Variants in PPT2 observed in about 807,000 individuals in gnomAD.
PPT2 encodes palmitoyl-protein thioesterase 2, also known as lysosomal thioesterase PPT2.
Under a neutral mutation model 37.3 loss-of-function variants are expected in PPT2, and 20 were observed. The ratio of observed to expected loss-of-function variants is 0.54; its 90% CI spans 0.38 to 0.78. PPT2 has a LOEUF of 0.78. Among genes scored for constraint, PPT2 ranks in the 30% least tolerant of loss-of-function variants. PPT2 has a pLI of 0.00. For missense variants in PPT2, 270 were observed against 389.8 expected (o/e 0.69, Z 2.59); for synonymous variants, 135 against 159.1 (o/e 0.85, Z 1.14).
rs1351482949 is a variant in PPT2 at position 32,155,708 on chromosome 6, C to T, written c.358C>T (p.Leu120=). The stretch of plus-strand genomic sequence containing the variant: ...TACAGGGGGCCTTGTGTGCCGGGCT[C>T]TGCTTTCTGTCATGGATGATCACAA... The part of the protein sequence containing the change: ...YSQGGLVCRA[L]LSVMDDHNVD... The change falls in exon 4 of 9, where the codon CTG becomes TTG. Residue 120 remains leucine (L), a synonymous_variant. Coordinates refer to ENST00000324816, the MANE Select transcript of PPT2 (RefSeq NM_005155.7). This position sits in a 1 kb window ranked among gnomAD's most constrained non-coding sequence, Gnocchi z 4.3. 3 of 1,613,888 alleles carry T rather than the reference C, an allele frequency of 1.9e-6. No homozygotes were observed. Among genetic ancestry groups the T allele is most frequent in the Non-Finnish European group, 1.7e-6 (2 of 1,180,008 alleles).
At position 32,154,531 on chromosome 6, in the gene PPT2, C is replaced by A. The variant is rs190824876; in HGVS notation, c.-8-56C>A. 717 of 1,547,628 alleles carry A rather than the reference C, an allele frequency of 4.6e-4. No homozygotes were observed. Among genetic ancestry groups the A allele is most frequent in the Non-Finnish European group, 5.9e-4 (677 of 1,142,172 alleles). On this transcript the variant is annotated intron_variant, in intron 1 of 8. Coordinates refer to ENST00000324816, the MANE Select transcript of PPT2 (RefSeq NM_005155.7). The surrounding 1 kb of genome is among the most constrained non-coding windows in gnomAD (Gnocchi z 7.3). The stretch of plus-strand genomic sequence containing the variant: ...GTGGCTTGATTGCCGGGCGTCTGTT[C>A]CGAGGGAGGAGGGTGTTGCCATCTC...
rs28359849 is a variant in PPT2, at chr6:32,155,584, CTGTGTGTGTG to C, written c.338-79_338-70del. 235 of 698,706 alleles carry C rather than the reference CTGTGTGTGTG, an allele frequency of 3.4e-4. No homozygotes were observed. In the African/African-American group the frequency reaches 3.6e-3, roughly 11 times the overall value. The allele number at this position is 698,706 out of a possible 1,614,324, so 43.3% of individuals were successfully genotyped here. On this transcript the variant is annotated intron_variant, in intron 3 of 8. Coordinates refer to ENST00000324816, the MANE Select transcript of PPT2 (RefSeq NM_005155.7). This position sits in a 1 kb window ranked among gnomAD's most constrained non-coding sequence, Gnocchi z 4.3. Reference sequence around the variant, plus strand: ...GTACAGTGTGTGTCTGTGTGTGTCTCTGTGTGTGTGTGTGTGTGTGTGTGTGTGTGTGTGG... The same window carrying C: ...GTACAGTGTGTGTCTGTGTGTGTCTCTGTGTGTGTGTGTGTGTGTGTGTGG...
chr6:32,154,109 C>G, upstream of PPT2: 1 of 1,081,536 alleles, frequency 9.2e-7, no homozygotes. This position sits in a 1 kb window ranked among gnomAD's most constrained non-coding sequence, Gnocchi z 7.3. Context: ...ATTTGCGCGA[C>G]CCCAAGCAGC....
At position 32,162,842 on chromosome 6, in the gene PPT2, A is replaced by T. The variant is rs759454237; in HGVS notation, c.801A>T (p.Leu267=). ...GGGATTCTTTTGGGTTGAAGACTCT[A>T]TTGGCCCGGGGGGCCATAGTGAGGT... ...YLRDSFGLKT[L]LARGAIVRCP... Residue 267 remains leucine (L), a synonymous_variant, in exon 9 of 9, where the codon CTA becomes CTT. Transcript: ENST00000324816. The surrounding 1 kb of genome is among the most constrained non-coding windows in gnomAD (Gnocchi z 5.5). 3.7e-6 allele frequency: 6 copies of T among 1,613,754 alleles called. No individual in the cohort carries two copies. The East Asian group carries it at 6.7e-5, about 18-fold the overall frequency.
At chr6:32,160,083 C>T (rs1038222307) in intron 7 of PPT2, among the ~76,000 whole-genome samples, 19 of 151,704 alleles carry the variant, frequency 1.3e-4, no homozygotes, top group Non-Finnish European at 2.8e-4. Flanking sequence ...TTCGCTCGGT[C>T]GCCCAGGCTG....
chr6:32,162,813 C>T lies in PPT2; in HGVS notation c.772C>T (p.Leu258=), dbSNP rs772724213. Residue 258 remains leucine (L), a synonymous_variant, in exon 9 of 9, where the codon CTG becomes TTG. Transcript: ENST00000324816. This position sits in a 1 kb window ranked among gnomAD's most constrained non-coding sequence, Gnocchi z 5.5. ...VLEMEEQLVY[L]RDSFGLKTLL... is the part of the protein sequence containing the mutation. ...CCCTTCGACCACCTTGAAGGTTTAT[C>T]TGCGGGATTCTTTTGGGTTGAAGAC... is the stretch of plus-strand genomic sequence containing the variant. 17 of 1,613,202 alleles carry T rather than the reference C, an allele frequency of 1.1e-5. No individual in the cohort carries two copies. The East Asian group carries it at 2.9e-4, about 27-fold the overall frequency.
chr6:32,158,085 C>A, intron 7 of PPT2, 161 bp downstream of exon 7: 1 of 621,888 alleles, frequency 1.6e-6, no homozygotes, highest in Non-Finnish European at 2.8e-6. Flanking sequence ...GAGTCATATC[C>A]CAACCCCTTG....
Position 32,154,752 on chromosome 6 carries a change from G to T in PPT2, c.158G>T (p.Arg53Leu). ...HGLFDSSYSFRHLLEYINETH... is the reference protein window; with the variant it reads ...HGLFDSSYSFLHLLEYINETH... ...CTCTTCGACAGCTCGTACAGCTTCC[G>T]CCACCTGCTGGAATACATCAATGAG... Residue 53 changes from arginine (R) to leucine (L), a missense_variant, in exon 2 of 9, where the codon CGC (arginine) becomes CTC (leucine). Arg to Leu is a moderately radical substitution (Grantham distance 102, BLOSUM62 -2). Transcript: ENST00000324816. This position sits in a 1 kb window ranked among gnomAD's most constrained non-coding sequence, Gnocchi z 7.3. 3 of 1,612,854 alleles carry T rather than the reference G, an allele frequency of 1.9e-6. No individual in the cohort carries two copies. Among genetic ancestry groups the T allele is most frequent in the Non-Finnish European group, 2.5e-6 (3 of 1,179,780 alleles).
chr6:32,155,619 G>GTGTGTGT lies in PPT2; in HGVS notation c.338-67_338-66insTGTGTTG. ...GTGTGTGTGTGTGTGTGTGTGTGTG[G>GTGTGTGT]TGGGGGTGGGGGGTGCTGCTGGCTT... On this transcript the variant is annotated intron_variant, in intron 3 of 8. Transcript: ENST00000324816. The surrounding 1 kb of genome is among the most constrained non-coding windows in gnomAD (Gnocchi z 4.3). 2 of 886,258 alleles carry GTGTGTGT rather than the reference G, an allele frequency of 2.3e-6. No homozygotes were observed. The highest frequency in any genetic ancestry group is 3.6e-6 in the Non-Finnish European group (2 of 558,064). 54.9% of individuals were successfully genotyped at this position (886,258 alleles called of 1,614,324 possible).
chr6:32,153,842 T>G, upstream of PPT2: 1 of 1,054,940 alleles, frequency 9.5e-7, no homozygotes, highest in Non-Finnish European at 1.3e-6. The surrounding 1 kb of genome is among the most constrained non-coding windows in gnomAD (Gnocchi z 4.4). Context: ...GACGCCTGTA[T>G]TGGGAAGTGG....
In PPT2 at chr6:32,163,622, AC is replaced by A. The variant is rs1436390534; in HGVS notation, c.*674del. 1 of 152,678 alleles carries A rather than the reference AC, an allele frequency of 6.5e-6. No individual in the cohort carries two copies. The highest frequency in any genetic ancestry group is 2.4e-5 in the African/African-American group (1 of 41,428). The allele number at this position is 152,678 out of a possible 1,614,324, so 9.5% of individuals were successfully genotyped here. On this transcript the variant is annotated 3_prime_UTR_variant, in exon 9 of 9. Transcript: ENST00000324816. ...TGAGGCCCCAGGCCCTCTTTTAACTACCTTTGAATAGGTGTTATCCCTGTAT... is the reference window on the plus strand; with the variant it reads ...TGAGGCCCCAGGCCCTCTTTTAACTACTTTGAATAGGTGTTATCCCTGTAT...
At position 32,155,613 on chromosome 6, in the gene PPT2, TGTGTG is replaced by T; in HGVS notation, c.338-71_338-67del. The T allele has an allele frequency of 2.2e-6, 2 of 901,804 alleles. No individual in the cohort carries two copies. Among genetic ancestry groups the T allele is most frequent in the Non-Finnish European group, 3.6e-6 (2 of 550,138 alleles). 55.9% of individuals were successfully genotyped at this position (901,804 alleles called of 1,614,324 possible). ...GTGTGTGTGTGTGTGTGTGTGTGTG[TGTGTG>T]GTGGGGGTGGGGGGTGCTGCTGGCT... On this transcript the variant is annotated intron_variant, in intron 3 of 8. Coordinates refer to ENST00000324816, the MANE Select transcript of PPT2 (RefSeq NM_005155.7). The surrounding 1 kb of genome is among the most constrained non-coding windows in gnomAD (Gnocchi z 4.3).
chr6:32,156,142 T>C lies in PPT2; in HGVS notation c.541+164T>C, dbSNP rs1783789604. Among the ~76,000 whole-genome samples, 1 of 152,056 alleles carries C rather than the reference T, an allele frequency of 6.6e-6. No individual in the cohort carries two copies. Among genetic ancestry groups the C allele is most frequent in the Non-Finnish European group, 1.5e-5 (1 of 67,988 alleles). ...TTTTTTTTGAGACGGAGTCTTGTTC[T>C]GTTGCCCAGGCTGGAGTGCAGTGCA... On this transcript the variant is annotated intron_variant, in intron 5 of 8. Transcript: ENST00000324816. This position sits in a 1 kb window ranked among gnomAD's most constrained non-coding sequence, Gnocchi z 4.9.
Position 32,154,364 on chromosome 6 carries a change from C to G in PPT2, c.-49C>G. 1 of 1,422,494 alleles carries G rather than the reference C, an allele frequency of 7.0e-7. No homozygotes were observed. The highest frequency in any genetic ancestry group is 9.2e-7 in the Non-Finnish European group (1 of 1,092,660). 88.1% of individuals were successfully genotyped at this position (1,422,494 alleles called of 1,614,324 possible). On this transcript the variant is annotated 5_prime_UTR_variant, in exon 1 of 9. Transcript: ENST00000324816. This position sits in a 1 kb window ranked among gnomAD's most constrained non-coding sequence, Gnocchi z 7.3. ...GATCCTGGACCTAGAGAACAAGTCCCCCGAACGCTGAGTTGGAGGCGGGAC... is the reference window on the plus strand; with the variant it reads ...GATCCTGGACCTAGAGAACAAGTCCGCCGAACGCTGAGTTGGAGGCGGGAC...
rs1783612292 is a variant in PPT2, at chr6:32,154,641, T to G, written c.47T>G (p.Leu16Arg). Residue 16 changes from leucine (L) to arginine (R), a missense_variant, in exon 2 of 9, where the codon CTT becomes CGT. By Grantham distance (102) the Leu-to-Arg change is moderately radical. Transcript: ENST00000324816. This position sits in a 1 kb window ranked among gnomAD's most constrained non-coding sequence, Gnocchi z 7.3. Reference sequence around the variant, plus strand: ...CGGCTCCCCGCGGCGTGGGTCCTGCTTCTGTTGCCTTTCCTGCCGCTGCTG... The same window carrying G: ...CGGCTCCCCGCGGCGTGGGTCCTGCGTCTGTTGCCTTTCCTGCCGCTGCTG... Reference protein sequence around the residue: ...GQRLPAAWVLLLLPFLPLLLL... With the variant: ...GQRLPAAWVLRLLPFLPLLLL... 2 of 1,612,654 alleles carry G rather than the reference T, an allele frequency of 1.2e-6. No homozygotes were observed. The highest frequency in any genetic ancestry group is 2.7e-5 in the African/African-American group (2 of 74,912).
chr6:32,161,961 G>A (rs138732145), intron 7 of PPT2, among the ~76,000 whole-genome samples: 48 of 151,604 alleles, frequency 3.2e-4, no homozygotes, highest in African/African-American at 1.1e-3. Flanking sequence ...CAGGTGATCC[G>A]CCGGCCTTGG....
rs973998365 is a variant in PPT2, at chr6:32,154,828, A to C, written c.183+51A>C. 1 of 1,577,448 alleles carries C rather than the reference A, an allele frequency of 6.3e-7. No individual in the cohort carries two copies. Among genetic ancestry groups the C allele is most frequent in the African/African-American group, 1.4e-5 (1 of 74,030 alleles). On this transcript the variant is annotated intron_variant, in intron 2 of 8. Coordinates refer to ENST00000324816, the MANE Select transcript of PPT2 (RefSeq NM_005155.7). This position sits in a 1 kb window ranked among gnomAD's most constrained non-coding sequence, Gnocchi z 7.3. Reference sequence around the variant, plus strand: ...GGGCGTTAGAGGCGTCTACTGTGGCAGGGGAGGGAGAGCGGGGAACTGAAA... The same window carrying C: ...GGGCGTTAGAGGCGTCTACTGTGGCCGGGGAGGGAGAGCGGGGAACTGAAA...
At position 32,163,129 on chromosome 6, in the gene PPT2, T is replaced by C; in HGVS notation, c.*179T>C. ...GCCTCCCAGAACCCCCTTCCTCTGC[T>C]CCTCCATGAATGACAATTCCAGGCC... On this transcript the variant is annotated 3_prime_UTR_variant, in exon 9 of 9. Transcript: ENST00000324816. 1.5e-6 allele frequency: 1 copy of C among 665,016 alleles called. No individual in the cohort carries two copies. Among genetic ancestry groups the C allele is most frequent in the Non-Finnish European group, 2.5e-6 (1 of 402,338 alleles). 41.2% of individuals were successfully genotyped at this position (665,016 alleles called of 1,614,324 possible).
intron 7 of PPT2, among the ~76,000 whole-genome samples, chr6:32,160,665 C>CA (rs1171281615): frequency 1.9e-3 from 261 of 136,414 alleles, no homozygotes; most frequent in African/African-American, 6.1e-3. Flanking sequence ...GGCTCTGTCT[C>CA]AAAAAAAAAA....
Sources: allele counts gnomAD v4.1 joint callset (sites outside exome capture counted in the v4.1 genomes callset), GRCh38; gene constraint gnomAD v4.1.1; non-coding constraint Gnocchi (gnomAD v3.1); transcripts MANE v1.5; gene names NCBI Gene and HGNC (gene_info 2026-07-23, HGNC 2026-07-21).